Variants in NEK10 observed in about 807,000 individuals in gnomAD.
The protein encoded by NEK10 is serine/threonine-protein kinase Nek10.
NEK10 carries 122 observed loss-of-function variants against 159.8 expected under a neutral mutation model. The ratio of observed to expected loss-of-function variants is 0.76; its 90% CI spans 0.66 to 0.89. The LOEUF is 0.89. Ranked by LOEUF, NEK10 falls within the 40% of genes least tolerant of loss-of-function variation. The pLI is 0.00. For synonymous variants in NEK10, 466 were observed against 457.1 expected, an observed-to-expected ratio of 1.02 and a Z score of -0.25; for missense variants, 1,342 against 1,323.1, an observed-to-expected ratio of 1.01 and a Z score of -0.22.
chr3:27,295,190 G>A (rs1360713233), intron 15 of NEK10, among the ~76,000 whole-genome samples: 1 of 152,040 alleles, frequency 6.6e-6, no homozygotes, highest in Non-Finnish European at 1.5e-5. Flanking sequence ...TGTTCCCTCT[G>A]CATGGAATGC....
At chr3:27,310,222 A>G (rs1210027099) in intron 9 of NEK10, 1 of 152,112 alleles carries the variant, frequency 6.6e-6, no homozygotes, top group Non-Finnish European at 1.5e-5. Flanking sequence ...TCCATTACAT[A>G]TCATTTTCAC....
intron 30 of NEK10, among the ~76,000 whole-genome samples, chr3:27,146,865 T>C (rs1161371848): frequency 6.6e-6 from 1 of 152,174 alleles, no homozygotes; most frequent in Non-Finnish European, 1.5e-5. Context: ...AAGAGTGAAG[T>C]CAGCTAAGTG....
intron 5 of NEK10, among the ~76,000 whole-genome samples, chr3:27,339,539 G>T (rs879768472): frequency 1.3e-5 from 2 of 151,964 alleles, no homozygotes; most frequent in Non-Finnish European, 2.9e-5. Flanking sequence ...CCAGCATTTT[G>T]GGAGGCTAAG....
At chr3:27,123,391 A>AG (rs1941554137) in intron 32 of NEK10, among the ~76,000 whole-genome samples, 1 of 152,176 alleles carries the variant, frequency 6.6e-6, no homozygotes, top group African/African-American at 2.4e-5. Flanking sequence ...CATTCCAGGT[A>AG]GGGGGAACTT....
Position 27,150,548 on chromosome 3 carries a change from T to G in NEK10, c.2870-8966A>C, listed in dbSNP as rs969011513. Reference sequence around the variant, plus strand: ...TGAAAGCACTCTGTTTATTGAATATTTTAAGCCAACTCTTGAGATCTACTG... The same window carrying G: ...TGAAAGCACTCTGTTTATTGAATATGTTAAGCCAACTCTTGAGATCTACTG... On this transcript the variant is annotated intron_variant, in intron 30 of 35. Transcript: ENST00000691995. 2.6e-5 allele frequency among the ~76,000 whole-genome samples: 4 copies of G among 152,318 alleles called. No homozygotes were observed. The East Asian group carries it at 7.7e-4, about 29-fold the overall frequency.
intron 23 of NEK10, among the ~76,000 whole-genome samples, chr3:27,208,607 A>G (rs1156443328): frequency 6.6e-6 from 1 of 152,206 alleles, no homozygotes. Flanking sequence ...GAAAAAGAGA[A>G]GGGAAAGATG....
Position 27,311,041 on chromosome 3 carries a change from A to G in NEK10, c.569-25T>C, listed in dbSNP as rs778500534. The G allele has an allele frequency of 6.2e-6, 9 of 1,459,048 alleles. No individual in the cohort carries two copies. The East Asian group carries it at 1.6e-4, about 26-fold the overall frequency. The allele number at this position is 1,459,048 out of a possible 1,614,324, so 90.4% of individuals were successfully genotyped here. On this transcript the variant is annotated intron_variant, in intron 8 of 35. Transcript: ENST00000691995. ...TCTATAAAGGAAAGAAAGAGCGCAAAGAGGCATCCAGAGATTAAAGGGGGA... is the reference window on the plus strand; with the variant it reads ...TCTATAAAGGAAAGAAAGAGCGCAAGGAGGCATCCAGAGATTAAAGGGGGA...
intron 32 of NEK10, among the ~76,000 whole-genome samples, chr3:27,131,522 G>A (rs149907192): frequency 2.0e-5 from 3 of 152,240 alleles, no homozygotes; most frequent in African/African-American, 4.8e-5. Context: ...ATGGTTAAAT[G>A]ACTTCTTCAG....
At chr3:27,126,185 GT>G (rs1301600002) in intron 32 of NEK10, among the ~76,000 whole-genome samples, 1 of 152,146 alleles carries the variant, frequency 6.6e-6, no homozygotes, top group Non-Finnish European at 1.5e-5. Context: ...ATTAAAGGAA[GT>G]GCCAGCTGCT....
chr3:27,223,089 T>C (rs1342961831), intron 23 of NEK10, among the ~76,000 whole-genome samples: 1 of 152,226 alleles, frequency 6.6e-6, no homozygotes, highest in Non-Finnish European at 1.5e-5. Context: ...AATGATTTTC[T>C]AGAACCCTTT....
intron 12 of NEK10, among the ~76,000 whole-genome samples, chr3:27,302,539 C>G (rs115143145): frequency 2.1e-3 from 320 of 152,256 alleles, no homozygotes; most frequent in African/African-American, 7.4e-3. Context: ...TCATGCTCTG[C>G]TTAATGTCTT....
At chr3:27,158,009 T>C (rs1047126019) in intron 30 of NEK10, among the ~76,000 whole-genome samples, 4 of 152,168 alleles carry the variant, frequency 2.6e-5, no homozygotes, top group African/African-American at 9.7e-5. Flanking sequence ...GTGCACTTAA[T>C]AGACTTAGTA....
chr3:27,227,295 G>A (rs950523673), intron 23 of NEK10, among the ~76,000 whole-genome samples: 3 of 152,258 alleles, frequency 2.0e-5, no homozygotes, highest in African/African-American at 7.2e-5. Context: ...AAGCAGAGTC[G>A]CATGAGAAAA....
rs747664031 is a variant in NEK10 at position 27,116,070 on chromosome 3, C to A, written c.3243+5G>T. 1 of 1,613,462 alleles carries A rather than the reference C, an allele frequency of 6.2e-7. No individual in the cohort carries two copies. The highest frequency in any genetic ancestry group is 1.1e-5 in the South Asian group (1 of 91,070). Reference sequence around the variant, plus strand: ...AATCATTCAGAGACACTGCAAAAACCTCACCTGCATCTGTTCATATGTTAT... The same window carrying A: ...AATCATTCAGAGACACTGCAAAAACATCACCTGCATCTGTTCATATGTTAT... On this transcript the variant is annotated splice_donor_5th_base_variant and intron_variant, in intron 34 of 35. Transcript: ENST00000691995.
Position 27,109,555 on chromosome 3 carries a change from G to T in NEK10, c.*1717C>A, listed in dbSNP as rs1240794053. Among the ~76,000 whole-genome samples the T allele has an allele frequency of 6.6e-6, 1 of 151,914 alleles. No homozygotes were observed. The stretch of plus-strand genomic sequence containing the variant: ...TTCTGTTTACTATATACTACCATTT[G>T]GGAAATAACTTGATTTCAAACTCTC... On this transcript the variant is annotated 3_prime_UTR_variant, in exon 36 of 36. Coordinates refer to ENST00000691995, the MANE Select transcript of NEK10 (RefSeq NM_001394966.1).
chr3:27,137,200 G>A (rs952759624), intron 31 of NEK10, among the ~76,000 whole-genome samples: 3 of 152,052 alleles, frequency 2.0e-5, no homozygotes, highest in East Asian at 1.9e-4. Context: ...TAAAAATCAC[G>A]ATAGTTATAT....
chr3:27,133,585 A>C (rs1942856100), intron 31 of NEK10, among the ~76,000 whole-genome samples: 1 of 152,092 alleles, frequency 6.6e-6, no homozygotes, highest in African/African-American at 2.4e-5. Context: ...GACTAGCCTG[A>C]CCAACATGGA....
At chr3:27,326,094 A>AAAT (rs2045981196) in intron 5 of NEK10, among the ~76,000 whole-genome samples, 1 of 152,228 alleles carries the variant, frequency 6.6e-6, no homozygotes, top group African/African-American at 2.4e-5. Context: ...CTGCATTGGG[A>AAAT]AAAATAAACC....
At chr3:27,359,366 C>T (rs2149865085) in intron 1 of NEK10, among the ~76,000 whole-genome samples, 1 of 152,236 alleles carries the variant, frequency 6.6e-6, no homozygotes, top group South Asian at 2.1e-4. Context: ...GTTAGAACTT[C>T]CTGTACTGAC....
Sources: allele counts gnomAD v4.1 joint callset (sites outside exome capture counted in the v4.1 genomes callset), GRCh38; gene constraint gnomAD v4.1.1; transcripts MANE v1.5; gene names NCBI Gene and HGNC (gene_info 2026-07-23, HGNC 2026-07-21).